IP6K1: variants seen among roughly 807,000 people sequenced by gnomAD.
IP6K1 encodes the protein ATP:1D-myo-inositol-hexakisphosphate phosphotransferase.
In IP6K1, 13 loss-of-function variants were observed where a neutral mutation model predicts 38.3. The ratio of observed to expected loss-of-function variants is 0.34; its 90% CI spans 0.22 to 0.54. IP6K1 has a LOEUF of 0.54. IP6K1 is among the 20% of genes least tolerant of loss of function. IP6K1 has a pLI of 0.92. For synonymous variants in IP6K1, 212 were observed against 229.9 expected, an observed-to-expected ratio of 0.92 and a Z score of 0.70; for missense variants, 397 against 599.8, an observed-to-expected ratio of 0.66 and a Z score of 3.53.
At chr3:49,771,713 T>C (rs2080961530) in intron 1 of IP6K1, among the ~76,000 whole-genome samples, 1 of 152,238 alleles carries the variant, frequency 6.6e-6, no homozygotes, top group South Asian at 2.1e-4. Context: ...GAGAAATGAA[T>C]GTGTATGTCC....
At chr3:49,773,973 TCTCTAA>T (rs1443583650) in intron 1 of IP6K1, among the ~76,000 whole-genome samples, 1 of 141,412 alleles carries the variant, frequency 7.1e-6, no homozygotes, top group East Asian at 2.0e-4. Context: ...AGCAAGACTC[TCTCTAA>T]AACACACACA....
At chr3:49,747,674 CT>C in intron 2 of IP6K1, 143 bp downstream of exon 2, 1 of 1,054,190 alleles carries the variant, frequency 9.5e-7, no homozygotes, top group Non-Finnish European at 1.4e-6. Flanking sequence ...CTTTCAGCCT[CT>C]AATTTTATCT....
At chr3:49,762,974 G>A (rs898160408) in intron 1 of IP6K1, among the ~76,000 whole-genome samples, 3 of 152,048 alleles carry the variant, frequency 2.0e-5, no homozygotes, top group South Asian at 4.1e-4. Context: ...GTTTCACCAC[G>A]TTGGCCAGGC....
chr3:49,751,067 G>A (rs1375867678), intron 1 of IP6K1, among the ~76,000 whole-genome samples: 1 of 152,096 alleles, frequency 6.6e-6, no homozygotes. Context: ...TCCTAACCCT[G>A]CAGGATTTGC....
At chr3:49,772,888 A>C (rs1252331899) in intron 1 of IP6K1, among the ~76,000 whole-genome samples, 4 of 148,878 alleles carry the variant, frequency 2.7e-5, no homozygotes, top group Admixed American at 2.0e-4. Context: ...CAGTGGTATG[A>C]TCACTGCTCA....
chr3:49,756,923 C>A (rs2080828995), intron 1 of IP6K1, among the ~76,000 whole-genome samples: 1 of 151,802 alleles, frequency 6.6e-6, no homozygotes, highest in African/African-American at 2.4e-5. Flanking sequence ...CACTGGATTA[C>A]CTGTGCTGTG....
At chr3:49,769,379 A>C (rs1012109920) in intron 1 of IP6K1, among the ~76,000 whole-genome samples, 1 of 152,210 alleles carries the variant, frequency 6.6e-6, no homozygotes, top group Non-Finnish European at 1.5e-5. Flanking sequence ...ATAAAGCTAC[A>C]GTAGTGGGGT....
chr3:49,767,001 G>C (rs1376071896), intron 1 of IP6K1, among the ~76,000 whole-genome samples: 4 of 148,214 alleles, frequency 2.7e-5, no homozygotes, highest in African/African-American at 9.9e-5. Context: ...AGAAATCCAA[G>C]GGCCTGAAAT....
intron 2 of IP6K1, among the ~76,000 whole-genome samples, chr3:49,747,380 G>C (rs1020327579): frequency 6.6e-6 from 1 of 152,110 alleles, no homozygotes; most frequent in African/African-American, 2.4e-5. Context: ...GCCCCAGAAA[G>C]TCCCTGCATT....
At chr3:49,778,339 A>AG (rs2081037019) in intron 1 of IP6K1, among the ~76,000 whole-genome samples, 1 of 150,874 alleles carries the variant, frequency 6.6e-6, no homozygotes, top group South Asian at 2.1e-4. Flanking sequence ...AAAAAAAAAA[A>AG]GGCAGGGTCT....
chr3:49,775,532 C>A, intron 1 of IP6K1: 1 of 1,036,176 alleles, frequency 9.7e-7, no homozygotes. Flanking sequence ...ATAGAGATGG[C>A]TGCCCAAAGA....
chr3:49,750,155 A>AGGGCAGGTCAG (rs2080760630), intron 1 of IP6K1, among the ~76,000 whole-genome samples: 1 of 152,150 alleles, frequency 6.6e-6, no homozygotes, highest in Non-Finnish European at 1.5e-5. Flanking sequence ...TGGATTGTGG[A>AGGGCAGGTCAG]GGGCAGGTCA....
At chr3:49,776,969 G>A (rs889661622) in intron 1 of IP6K1, among the ~76,000 whole-genome samples, 4 of 151,956 alleles carry the variant, frequency 2.6e-5, no homozygotes, top group East Asian at 1.9e-4. Flanking sequence ...GCACAGTGGC[G>A]CATGCCTGTA....
At chr3:49,728,373 T>TA in intron 4 of IP6K1, 95 bp from the exon 5 acceptor site, 2 of 1,155,154 alleles carry the variant, frequency 1.7e-6, no homozygotes, top group East Asian at 2.4e-5. Context: ...GGCTTTTACC[T>TA]AATGCAGTAT....
intron 1 of IP6K1, among the ~76,000 whole-genome samples, chr3:49,766,340 G>C (rs763065643): frequency 7.9e-5 from 12 of 151,826 alleles, no homozygotes; most frequent in African/African-American, 1.2e-4. Flanking sequence ...CTGCACTCCA[G>C]CCTGGGTGAC....
At chr3:49,732,994 A>G in intron 3 of IP6K1, 22 bp from the exon 4 acceptor site, 3 of 1,591,354 alleles carry the variant, frequency 1.9e-6, no homozygotes, top group Non-Finnish European at 2.6e-6. Context: ...GAACATACAC[A>G]TCACTAAGAA....
intron 2 of IP6K1, among the ~76,000 whole-genome samples, chr3:49,740,882 C>A (rs1430301333): frequency 1.4e-5 from 2 of 142,078 alleles, no homozygotes; most frequent in Non-Finnish European, 3.0e-5. Flanking sequence ...GAGATGGAAT[C>A]TTGCTCTGTC....
chr3:49,762,095 G>A (rs1420498245), intron 1 of IP6K1, among the ~76,000 whole-genome samples: 1 of 152,126 alleles, frequency 6.6e-6, no homozygotes, highest in Non-Finnish European at 1.5e-5. Context: ...AAAACTACAG[G>A]TATGCACCAC....
intron 1 of IP6K1, among the ~76,000 whole-genome samples, chr3:49,750,590 C>T (rs1434364471): frequency 6.6e-6 from 1 of 151,962 alleles, no homozygotes; most frequent in Non-Finnish European, 1.5e-5. Context: ...ATCTCAGCTA[C>T]TTGGGAAGCT....
Sources: allele counts gnomAD v4.1 joint callset (sites outside exome capture counted in the v4.1 genomes callset), GRCh38; gene constraint gnomAD v4.1.1; transcripts MANE v1.5; gene names NCBI Gene and HGNC (gene_info 2026-07-23, HGNC 2026-07-21).